Variants in RAI14 observed in about 807,000 individuals in gnomAD.
RAI14 encodes the protein retinoic acid induced 14.
RAI14 carries 45 observed loss-of-function variants against 115.4 expected under a neutral mutation model. The observed-to-expected ratio is 0.39, with a 90% CI of 0.31 to 0.50. RAI14 has a LOEUF of 0.50. RAI14 is among the 20% of genes least tolerant of loss of function. The pLI is 0.85. For missense variants in RAI14, 939 were observed against 1,131.2 expected (o/e 0.83, Z 2.44); for synonymous variants, 371 against 415.4 (o/e 0.89, Z 1.30).
chr5:34,814,327 C>A (rs959014467), intron 11 of RAI14, among the ~76,000 whole-genome samples: 2 of 152,090 alleles, frequency 1.3e-5, no homozygotes, highest in African/African-American at 4.8e-5. Context: ...ATATTCTTAA[C>A]CTGCAATAGA....
intron 2 of RAI14, among the ~76,000 whole-genome samples, chr5:34,730,032 A>G (rs1018295079): frequency 6.6e-6 from 1 of 152,218 alleles, no homozygotes. Flanking sequence ...ATTAATTCAG[A>G]TGATCTGGCA....
intron 15 of RAI14, among the ~76,000 whole-genome samples, chr5:34,825,167 T>C (rs1757312466): frequency 6.6e-6 from 1 of 151,498 alleles, no homozygotes. Flanking sequence ...CCCAGCCACT[T>C]GAGAGGCTAA....
chr5:34,796,247 A>G (rs1347687873), intron 4 of RAI14, among the ~76,000 whole-genome samples: 1 of 152,030 alleles, frequency 6.6e-6, no homozygotes, highest in Non-Finnish European at 1.5e-5. Flanking sequence ...ATACAAAAAA[A>G]TTTAGCCAGG....
At chr5:34,830,232 C>G (rs1347445753) in intron 17 of RAI14, among the ~76,000 whole-genome samples, 1 of 152,166 alleles carries the variant, frequency 6.6e-6, no homozygotes, top group Non-Finnish European at 1.5e-5. Context: ...AATCCACCCG[C>G]TTCGGCCTCC....
chr5:34,823,014 A>C lies in RAI14; in HGVS notation c.1172A>C (p.Gln391Pro), dbSNP rs1757064732. Residue 391 changes from glutamine (Q) to proline (P), a missense_variant, in exon 15 of 18, where the codon CAA (glutamine) becomes CCA (proline). Transcript: ENST00000265109. The surrounding 1 kb of genome is among the most constrained non-coding windows in gnomAD (Gnocchi z 4.5). Reference sequence around the variant, plus strand: ...AGCTTTGACTCATACCATTCCACCCAAACTGACTTGGGCCCATCCCTGGGA... The same window carrying C: ...AGCTTTGACTCATACCATTCCACCCCAACTGACTTGGGCCCATCCCTGGGA... ...DLSFDSYHST[Q>P]TDLGPSLGKP... 3.7e-6 allele frequency: 6 copies of C among 1,613,970 alleles called. No individual in the cohort carries two copies. Among genetic ancestry groups the C allele is most frequent in the Non-Finnish European group, 4.2e-6 (5 of 1,179,992 alleles).
intron 15 of RAI14, 41 bp from the exon 16 acceptor site, chr5:34,826,289 A>C (rs1416580778): frequency 6.3e-7 from 1 of 1,577,804 alleles, no homozygotes; most frequent in East Asian, 2.3e-5. Context: ...TGCTTTGTAG[A>C]CATGTTACTG....
intron 3 of RAI14, among the ~76,000 whole-genome samples, chr5:34,772,238 T>C (rs906082217): frequency 3.9e-5 from 6 of 152,162 alleles, no homozygotes; most frequent in African/African-American, 1.4e-4. Flanking sequence ...TAACAAATGG[T>C]GCCGTTTCTC....
At chr5:34,736,128 C>T (rs542296898) in intron 2 of RAI14, among the ~76,000 whole-genome samples, 83 of 148,160 alleles carry the variant, frequency 5.6e-4, no homozygotes, top group African/African-American at 1.7e-3. Flanking sequence ...CAGCTGGGCG[C>T]GGTGACTCAC....
At position 34,823,189 on chromosome 5, in the gene RAI14, A is replaced by G; in HGVS notation, c.1347A>G (p.Glu449=). ...TACAGAAGAGATTAGAGAGCTCTGA[A>G]GCAGAGAGAAAACAGCTACAGGTCG... ...QDLQKRLESS[E]AERKQLQVEL... is the part of the protein sequence containing the mutation. The change falls in exon 15 of 18, where the codon GAA becomes GAG. Residue 449 remains glutamate (E), a synonymous_variant. Coordinates refer to ENST00000265109, the MANE Select transcript of RAI14 (RefSeq NM_015577.3). The surrounding 1 kb of genome is among the most constrained non-coding windows in gnomAD (Gnocchi z 4.5). 6.2e-7 allele frequency: 1 copy of G among 1,613,984 alleles called. No individual in the cohort carries two copies. The highest frequency in any genetic ancestry group is 8.5e-7 in the Non-Finnish European group (1 of 1,179,806).
chr5:34,683,865 C>T (rs1245593089), intron 1 of RAI14, among the ~76,000 whole-genome samples: 1 of 152,206 alleles, frequency 6.6e-6, no homozygotes, highest in South Asian at 2.1e-4. Flanking sequence ...GTGGCTGGGA[C>T]TACAGGCGCC....
At chr5:34,812,157 T>G in intron 9 of RAI14, 23 bp from the exon 10 acceptor site, 3 of 1,560,070 alleles carry the variant, frequency 1.9e-6, no homozygotes, top group Non-Finnish European at 2.6e-6. Context: ...TTATAGTTCT[T>G]TTTTTCACTT....
chr5:34,726,811 A>G (rs951825909), intron 2 of RAI14, among the ~76,000 whole-genome samples: 8 of 152,244 alleles, frequency 5.3e-5, no homozygotes, highest in South Asian at 2.1e-4. Flanking sequence ...GTGTTCCGCT[A>G]TGATTGTGAG....
chr5:34,708,149 C>A (rs116617021), intron 2 of RAI14, among the ~76,000 whole-genome samples: 1 of 151,472 alleles, frequency 6.6e-6, no homozygotes, highest in African/African-American at 2.4e-5. Context: ...ATTTAATATA[C>A]TCTTTAGAAC....
chr5:34,659,837 A>G (rs1212203710), intron 1 of RAI14, among the ~76,000 whole-genome samples: 2 of 152,226 alleles, frequency 1.3e-5, no homozygotes, highest in African/African-American at 4.8e-5. Flanking sequence ...TAAGAAGATT[A>G]CATAGTTGGC....
At chr5:34,742,570 A>G (rs1745644314) in intron 2 of RAI14, among the ~76,000 whole-genome samples, 1 of 152,162 alleles carries the variant, frequency 6.6e-6, no homozygotes, top group African/African-American at 2.4e-5. Flanking sequence ...TGAAAAACAT[A>G]GAGAGGTAGA....
intron 1 of RAI14, among the ~76,000 whole-genome samples, chr5:34,678,873 A>G (rs1234424284): frequency 6.6e-6 from 1 of 152,108 alleles, no homozygotes; most frequent in East Asian, 1.9e-4. Flanking sequence ...TTGTCCTTCC[A>G]ATCTACCCTA....
At chr5:34,819,335 T>C (rs1376879797) in intron 13 of RAI14, among the ~76,000 whole-genome samples, 1 of 152,194 alleles carries the variant, frequency 6.6e-6, no homozygotes, top group Non-Finnish European at 1.5e-5. Flanking sequence ...ATCTTACCCA[T>C]TTAAAAATAT....
At chr5:34,715,878 A>G (rs957141584) in intron 2 of RAI14, among the ~76,000 whole-genome samples, 2 of 151,638 alleles carry the variant, frequency 1.3e-5, no homozygotes, top group African/African-American at 4.9e-5. Context: ...AACCTCAGTT[A>G]TAAAGATGTA....
chr5:34,766,411 T>C (rs1016240090), intron 3 of RAI14, among the ~76,000 whole-genome samples: 2 of 152,192 alleles, frequency 1.3e-5, no homozygotes, highest in African/African-American at 4.8e-5. Flanking sequence ...TGCATCAGTG[T>C]GACCTGGATG....
Sources: allele counts gnomAD v4.1 joint callset (sites outside exome capture counted in the v4.1 genomes callset), GRCh38; gene constraint gnomAD v4.1.1; non-coding constraint Gnocchi (gnomAD v3.1); transcripts MANE v1.5; gene names NCBI Gene and HGNC (gene_info 2026-07-23, HGNC 2026-07-21).